SYNJ1: variants seen among roughly 807,000 people sequenced by gnomAD.
The protein encoded by SYNJ1 is synaptojanin 1, also known as polyphosphatidylinositol phosphatase SYNJ1.
SYNJ1 carries 78 observed loss-of-function variants against 168.2 expected under a neutral mutation model. The observed-to-expected ratio is 0.46, with a 90% CI of 0.39 to 0.56. SYNJ1 has a LOEUF of 0.56. SYNJ1 is among the 20% of genes least tolerant of loss of function. The pLI is 0.00. For missense variants in SYNJ1, 1,303 were observed against 1,597.6 expected (o/e 0.82, Z 3.14); for synonymous variants, 539 against 548.6 (o/e 0.98, Z 0.24).
rs1055193163 is a variant in SYNJ1 at position 32,725,720 on chromosome 21, G to C, written c.124+1052C>G. ...TTAAGATATTTAAGGGCTTATATTT[G>C]TAAGTATGCCTTTCAAACACTATTT... On this transcript the variant is annotated intron_variant, in intron 2 of 32. Coordinates refer to ENST00000674351, the MANE Select transcript of SYNJ1 (RefSeq NM_203446.3). Among the ~76,000 whole-genome samples the C allele has an allele frequency of 5.3e-5, 8 of 152,118 alleles. No individual in the cohort carries two copies. In the South Asian group the frequency reaches 1.5e-3, roughly 28 times the overall value.
chr21:32,644,847 G>C, intron 26 of SYNJ1, 121 bp downstream of exon 26: 1 of 1,077,968 alleles, frequency 9.3e-7, no homozygotes, highest in Non-Finnish European at 1.3e-6. Flanking sequence ...TTTATTTGTG[G>C]ATTAGTTTTA....
chr21:32,698,729 T>C (rs1387349804), intron 4 of SYNJ1, among the ~76,000 whole-genome samples: 2 of 152,174 alleles, frequency 1.3e-5, no homozygotes, highest in African/African-American at 2.4e-5. Context: ...CACACTTACC[T>C]ACATAAGTCC....
At chr21:32,714,395 G>C (rs2042947882) in intron 2 of SYNJ1, among the ~76,000 whole-genome samples, 1 of 152,158 alleles carries the variant, frequency 6.6e-6, no homozygotes, top group East Asian at 1.9e-4. Flanking sequence ...TGTAGGCGTG[G>C]TAAGTAGAAG....
chr21:32,727,080 C>T, intron 1 of SYNJ1, 163 bp from the exon 2 acceptor site: 2 of 914,330 alleles, frequency 2.2e-6, no homozygotes, highest in South Asian at 1.9e-5. Flanking sequence ...AAAGATAAGT[C>T]GTCACTTAAT....
intron 13 of SYNJ1, among the ~76,000 whole-genome samples, 200 bp from the exon 14 acceptor site, chr21:32,673,731 TTA>T (rs2041294563): frequency 6.7e-6 from 1 of 149,388 alleles, no homozygotes; most frequent in African/African-American, 2.5e-5. Flanking sequence ...CAACACATCT[TTA>T]AAAAAAAAAA....
Position 32,631,298 on chromosome 21 carries a change from T to G in SYNJ1, c.*507A>C. On this transcript the variant is annotated 3_prime_UTR_variant, in exon 33 of 33. Coordinates refer to ENST00000674351, the MANE Select transcript of SYNJ1 (RefSeq NM_203446.3). ...CCCATCCTTTCGGGTTGCTAATTTT[T>G]AATGTAGACTGGCCCTGTAGATCAA... The G allele has an allele frequency of 6.2e-7, 1 of 1,614,222 alleles. No individual in the cohort carries two copies. Among genetic ancestry groups the G allele is most frequent in the Non-Finnish European group, 8.5e-7 (1 of 1,180,036 alleles).
chr21:32,725,666 T>C (rs1283523529), intron 2 of SYNJ1, among the ~76,000 whole-genome samples: 1 of 152,158 alleles, frequency 6.6e-6, no homozygotes, highest in African/African-American at 2.4e-5. Flanking sequence ...ATGCTCTTCA[T>C]TTATTGAGGC....
In SYNJ1 at chr21:32,678,815, T is replaced by G. The variant is rs760338207; in HGVS notation, c.1354-14A>C. Reference sequence around the variant, plus strand: ...ACCATCTTTTAACTTTCCAGCCTGTTAAGAAAGGAGCGCAGATTTTCATTT... The same window carrying G: ...ACCATCTTTTAACTTTCCAGCCTGTGAAGAAAGGAGCGCAGATTTTCATTT... On this transcript the variant is annotated splice_polypyrimidine_tract_variant and intron_variant, in intron 11 of 32. Transcript: ENST00000674351. The G allele has an allele frequency of 6.3e-7, 1 of 1,599,766 alleles. No homozygotes were observed. The highest frequency in any genetic ancestry group is 2.2e-5 in the East Asian group (1 of 44,500).
intron 11 of SYNJ1, among the ~76,000 whole-genome samples, chr21:32,681,268 G>A (rs893995227): frequency 2.6e-5 from 4 of 152,082 alleles, no homozygotes; most frequent in African/African-American, 9.7e-5. Context: ...GACTAGATAC[G>A]TTATATATAC....
chr21:32,669,427 T>C (rs2041091978), intron 15 of SYNJ1, among the ~76,000 whole-genome samples: 1 of 152,226 alleles, frequency 6.6e-6, no homozygotes, highest in Non-Finnish European at 1.5e-5. Flanking sequence ...CTGATGCAGT[T>C]ACCAATGCTG....
intron 2 of SYNJ1, among the ~76,000 whole-genome samples, chr21:32,725,453 T>C (rs1374780775): frequency 6.6e-6 from 1 of 152,212 alleles, no homozygotes; most frequent in Non-Finnish European, 1.5e-5. Context: ...ATATTATTTA[T>C]ACTTATTTCT....
chr21:32,677,882 GA>G (rs1432008574), intron 12 of SYNJ1, among the ~76,000 whole-genome samples: 1 of 151,814 alleles, frequency 6.6e-6, no homozygotes, highest in African/African-American at 2.4e-5. Context: ...AGGGCTAACA[GA>G]AAAAAAATTT....
At chr21:32,662,739 C>G (rs1434253976) in intron 18 of SYNJ1, among the ~76,000 whole-genome samples, 6 of 152,100 alleles carry the variant, frequency 3.9e-5, no homozygotes, top group Non-Finnish European at 5.9e-5. Context: ...GTGTGGAAAT[C>G]AATGTGGATA....
chr21:32,668,127 C>T (rs1054734668), intron 15 of SYNJ1, among the ~76,000 whole-genome samples: 3 of 151,284 alleles, frequency 2.0e-5, no homozygotes, highest in African/African-American at 7.3e-5. Context: ...TGCGGTGGTG[C>T]GATCTCCACT....
intron 2 of SYNJ1, among the ~76,000 whole-genome samples, chr21:32,704,221 A>G (rs905462100): frequency 1.3e-5 from 2 of 152,182 alleles, no homozygotes; most frequent in East Asian, 3.8e-4. Context: ...ACATGCAAAC[A>G]AATGCCTTGC....
At chr21:32,678,963 T>G (rs775682760) in intron 11 of SYNJ1, among the ~76,000 whole-genome samples, 162 bp from the exon 12 acceptor site, 8 of 152,196 alleles carry the variant, frequency 5.3e-5, no homozygotes, top group Non-Finnish European at 7.3e-5. Context: ...TTAAAATGCC[T>G]CCAACATGTC....
chr21:32,722,268 G>A (rs961686806), intron 2 of SYNJ1, among the ~76,000 whole-genome samples: 1 of 144,124 alleles, frequency 6.9e-6, no homozygotes, highest in Non-Finnish European at 1.5e-5. Flanking sequence ...AAGTTTTATA[G>A]GGCTGGGCTT....
chr21:32,728,071 C>T (rs2043561689), upstream of SYNJ1: 2 of 1,522,080 alleles, frequency 1.3e-6, no homozygotes, highest in East Asian at 2.6e-5. Flanking sequence ...AAGATCCGCC[C>T]CGCGCGAGGG....
rs2040515944 is a variant in SYNJ1 at position 32,657,772 on chromosome 21, G to C, written c.2405C>G (p.Pro802Arg). The C allele has an allele frequency of 6.2e-7, 1 of 1,614,038 alleles. No homozygotes were observed. Among genetic ancestry groups the C allele is most frequent in the African/African-American group, 1.3e-5 (1 of 74,916 alleles). The change falls in exon 19 of 33, where the codon CCT (proline) becomes CGT (arginine). Residue 802 changes from proline to arginine, a missense_variant. Transcript: ENST00000674351. ...CCAAAGGACACGGTCTGTCCAGGCA[G>C]GGGTGCGGCACTTTTCACTGGTGTC... ...DYDTSEKCRT[P>R]AWTDRVLWRR...
Sources: allele counts gnomAD v4.1 joint callset (sites outside exome capture counted in the v4.1 genomes callset), GRCh38; gene constraint gnomAD v4.1.1; transcripts MANE v1.5; gene names NCBI Gene and HGNC (gene_info 2026-07-23, HGNC 2026-07-21).